Variants in TRPM4 observed in about 807,000 individuals in gnomAD.
TRPM4 encodes transient receptor potential cation channel subfamily M member 4, also known as calcium-activated non-selective cation channel 1.
TRPM4 carries 124 observed loss-of-function variants against 135.6 expected under a neutral mutation model. The observed-to-expected ratio is 0.91, with a 90% CI of 0.79 to 1.06. TRPM4 has a LOEUF of 1.06. Ranked by LOEUF, TRPM4 falls within the 50% of genes least tolerant of loss-of-function variation. The probability of loss-of-function intolerance (pLI) is 0.00; values close to 1 mark genes in which losing one functional copy is unlikely to be tolerated. For synonymous variants in TRPM4, 745 were observed against 705.6 expected (o/e 1.06, Z -0.88); for missense variants, 1,658 against 1,671.4 (o/e 0.99, Z 0.14).
At position 49,171,471 on chromosome 19, in the gene TRPM4, G is replaced by C. The variant is rs1967452632; in HGVS notation, c.858+53G>C. 4 of 1,612,284 alleles carry C rather than the reference G, an allele frequency of 2.5e-6. No individual in the cohort carries two copies. Among genetic ancestry groups the C allele is most frequent in the Non-Finnish European group, 3.4e-6 (4 of 1,178,628 alleles). ...AGGGGGAAGGAGGGTTGGGGGCCAGGACTCCTGGGTCCTGAGTCTTAGGGA... is the reference window on the plus strand; with the variant it reads ...AGGGGGAAGGAGGGTTGGGGGCCAGCACTCCTGGGTCCTGAGTCTTAGGGA... On this transcript the variant is annotated intron_variant, in intron 7 of 24. Coordinates refer to ENST00000252826, the MANE Select transcript of TRPM4 (RefSeq NM_017636.4). The surrounding 1 kb of genome is among the most constrained non-coding windows in gnomAD (Gnocchi z 4.7).
intron 17 of TRPM4, among the ~76,000 whole-genome samples, chr19:49,199,066 C>G (rs1453412065): frequency 6.6e-6 from 1 of 151,970 alleles, no homozygotes; most frequent in Non-Finnish European, 1.5e-5. Context: ...AGGCCATGCT[C>G]GACAATGCCT....
chr19:49,182,125 C>CATCCATCCATCCATCCATCT (rs879711809), intron 10 of TRPM4, among the ~76,000 whole-genome samples: 3 of 135,928 alleles, frequency 2.2e-5, no homozygotes, highest in East Asian at 2.2e-4. Context: ...TCCATCCATC[C>CATCCATCCATCCATCCATCT]ATCTGTCCAT....
At chr19:49,178,316 C>A (rs565471130) in intron 9 of TRPM4, among the ~76,000 whole-genome samples, 38 of 152,166 alleles carry the variant, frequency 2.5e-4, no homozygotes, top group African/African-American at 8.9e-4. Flanking sequence ...CAGACGAAGA[C>A]CCTGTCTCAA....
intron 2 of TRPM4, 118 bp downstream of exon 2, chr19:49,158,377 G>A (rs1336428852): frequency 1.9e-5 from 18 of 955,336 alleles, no homozygotes. Flanking sequence ...ACCTTCCCAA[G>A]GGCGTTCCTT....
chr19:49,211,569 C>G lies in TRPM4; in HGVS notation c.*71C>G. 1 of 1,602,068 alleles carries G rather than the reference C, an allele frequency of 6.2e-7. No homozygotes were observed. The highest frequency in any genetic ancestry group is 8.5e-7 in the Non-Finnish European group (1 of 1,170,336). Reference sequence around the variant, plus strand: ...CTCCTAGAGTAAGGCTCATCTGGGCCTCGGCCCCCGCACCTGGTGGCCTTG... The same window carrying G: ...CTCCTAGAGTAAGGCTCATCTGGGCGTCGGCCCCCGCACCTGGTGGCCTTG... On this transcript the variant is annotated 3_prime_UTR_variant, in exon 25 of 25. Transcript: ENST00000252826. The surrounding 1 kb of genome is among the most constrained non-coding windows in gnomAD (Gnocchi z 4.8).
At chr19:49,167,264 C>T (rs867598433) in intron 3 of TRPM4, among the ~76,000 whole-genome samples, 1 of 126,896 alleles carries the variant, frequency 7.9e-6, no homozygotes, top group East Asian at 2.4e-4. Context: ...GGTCTCTGTC[C>T]CTCTCTCTCT....
Position 49,182,905 on chromosome 19 carries a change from C to T in TRPM4, c.1591C>T (p.Gln531Ter). 1 of 1,596,062 alleles carries T rather than the reference C, an allele frequency of 6.3e-7. No individual in the cohort carries two copies. The highest frequency in any genetic ancestry group is 8.5e-7 in the Non-Finnish European group (1 of 1,171,370). ...SGGAWDPHPG[Q>*]GFGESMYLLS... is the part of the protein sequence containing the mutation. ...GGGCGCCTGGGACCCTCACCCAGGCCAGGGCTTCGGGGAGAGCGTAAGGAC... is the reference window on the plus strand; with the variant it reads ...GGGCGCCTGGGACCCTCACCCAGGCTAGGGCTTCGGGGAGAGCGTAAGGAC... The change falls in exon 11 of 25, where the codon CAG becomes TAG. Residue 531 changes from glutamine (Q) to a stop codon, truncating the protein, a stop_gained. Coordinates refer to ENST00000252826, the MANE Select transcript of TRPM4 (RefSeq NM_017636.4). LOFTEE classifies it high-confidence loss of function.
At chr19:49,202,881 CTTTTTTTT>C (rs752188238) in intron 20 of TRPM4, among the ~76,000 whole-genome samples, 7 of 109,616 alleles carry the variant, frequency 6.4e-5, no homozygotes, top group South Asian at 3.1e-4. Context: ...ATTTTTACTT[CTTTTTTTT>C]TTTTTTTTTT....
Position 49,188,994 on chromosome 19 carries a change from T to C in TRPM4, c.1922T>C (p.Leu641Pro). 1 of 1,614,124 alleles carries C rather than the reference T, an allele frequency of 6.2e-7. No homozygotes were observed. The highest frequency in any genetic ancestry group is 8.5e-7 in the Non-Finnish European group (1 of 1,180,018). Residue 641 changes from leucine to proline, a missense_variant, in exon 14 of 25, where the codon CTC becomes CCC. Physicochemically the swap from Leu to Pro is moderately conservative, Grantham distance 98. Coordinates refer to ENST00000252826, the MANE Select transcript of TRPM4 (RefSeq NM_017636.4). ...AGCAGTGAGGTGAGGGCTGCCCGCCTCCTCCTCCGTCGCTGCCCGCTCTGG... is the reference window on the plus strand; with the variant it reads ...AGCAGTGAGGTGAGGGCTGCCCGCCCCCTCCTCCGTCGCTGCCCGCTCTGG... Reference protein sequence around the residue: ...YRSSEVRAARLLLRRCPLWGD... With the variant: ...YRSSEVRAARPLLRRCPLWGD...
chr19:49,193,228 C>T (rs1044212656), intron 16 of TRPM4, among the ~76,000 whole-genome samples: 7 of 151,776 alleles, frequency 4.6e-5, no homozygotes, highest in African/African-American at 1.5e-4. Context: ...CTACAGGTGC[C>T]CGCCACCACG....
Position 49,181,412 on chromosome 19 carries a change from G to C in TRPM4, c.1214G>C (p.Arg405Pro), listed in dbSNP as rs752951205. 3 of 1,613,906 alleles carry C rather than the reference G, an allele frequency of 1.9e-6. No homozygotes were observed. Among genetic ancestry groups the C allele is most frequent in the Non-Finnish European group, 2.5e-6 (3 of 1,180,018 alleles). ...CTGCGTTTGGCTGTGGCTTGGAACC[G>C]CGTGGACATTGCCCAGAGTGAACTC... is the stretch of plus-strand genomic sequence containing the variant. ...DELRLAVAWN[R>P]VDIAQSELFR... Residue 405 changes from arginine (R) to proline (P), a missense_variant, in exon 10 of 25, where the codon CGC (arginine) becomes CCC (proline). Arg to Pro is a moderately radical substitution (Grantham distance 103). Transcript: ENST00000252826.
chr19:49,163,203 T>A (rs961435555), intron 2 of TRPM4, among the ~76,000 whole-genome samples: 8 of 147,060 alleles, frequency 5.4e-5, no homozygotes, highest in African/African-American at 1.5e-4. Context: ...TTATTATTTT[T>A]TTTTTTTTTT....
chr19:49,181,217 C>A, intron 9 of TRPM4, 132 bp from the exon 10 acceptor site: 1 of 717,380 alleles, frequency 1.4e-6, no homozygotes, highest in South Asian at 1.5e-5. Flanking sequence ...TTAAGACCCC[C>A]ACACTCTGCC....
At chr19:49,165,311 C>G (rs1379599541) in intron 2 of TRPM4, among the ~76,000 whole-genome samples, 1 of 152,168 alleles carries the variant, frequency 6.6e-6, no homozygotes, top group African/African-American at 2.4e-5. Flanking sequence ...CCGAGGCCTG[C>G]TTTTCTTGTT....
At chr19:49,189,137 T>C (rs1168043633) in intron 14 of TRPM4, 46 bp downstream of exon 14, 3 of 1,613,044 alleles carry the variant, frequency 1.9e-6, no homozygotes, top group Admixed American at 1.7e-5. Context: ...CCAAGTGGAC[T>C]CTGGGAAGTA....
chr19:49,211,380 T>C lies in TRPM4; in HGVS notation c.3640+111T>C. On this transcript the variant is annotated intron_variant, in intron 24 of 24. Coordinates refer to ENST00000252826, the MANE Select transcript of TRPM4 (RefSeq NM_017636.4). The surrounding 1 kb of genome is among the most constrained non-coding windows in gnomAD (Gnocchi z 4.8). ...CCCTGGGTCACTCTCTTGGTCTCCT[T>C]TGAGCCTTTTGTACTCTCGCCTTCG... 3.8e-6 allele frequency: 6 copies of C among 1,590,700 alleles called. No homozygotes were observed. Among genetic ancestry groups the C allele is most frequent in the South Asian group, 1.1e-5 (1 of 90,696 alleles).
rs141669822 is a variant in TRPM4, at chr19:49,186,043, G to A, written c.1744-2598G>A. On this transcript the variant is annotated intron_variant, in intron 12 of 24. Coordinates refer to ENST00000252826, the MANE Select transcript of TRPM4 (RefSeq NM_017636.4). Reference sequence around the variant, plus strand: ...TAGGATTACAGGCGTGAGCCACCGCGCCCACCCTGTTTAGTGACTTCTCTA... The same window carrying A: ...TAGGATTACAGGCGTGAGCCACCGCACCCACCCTGTTTAGTGACTTCTCTA... Among the ~76,000 whole-genome samples the A allele has an allele frequency of 2.9e-3, 446 of 152,248 alleles. 2 individuals are homozygous for A. Among genetic ancestry groups the A allele is most frequent in the African/African-American group, 0.01 (421 of 41,546 alleles).
At position 49,172,065 on chromosome 19, in the gene TRPM4, G is replaced by A. The variant is rs778910474; in HGVS notation, c.1107G>A (p.Gly369=). ...TGACAGTCTATTCTTCTGAGGATGGGTCTGAGGAATTCGAGACCATAGTTT... is the reference window on the plus strand; with the variant it reads ...TGACAGTCTATTCTTCTGAGGATGGATCTGAGGAATTCGAGACCATAGTTT... ...ELLTVYSSED[G]SEEFETIVLK... The change falls in exon 9 of 25, where the codon GGG becomes GGA. Residue 369 remains glycine (G), a synonymous_variant. Transcript: ENST00000252826. 6.2e-7 allele frequency: 1 copy of A among 1,614,056 alleles called. No homozygotes were observed. The highest frequency in any genetic ancestry group is 8.5e-7 in the Non-Finnish European group (1 of 1,179,966).
Position 49,181,386 on chromosome 19 carries a change from G to A in TRPM4, c.1188G>A (p.Glu396=). ...CGGAGGCCTCAGCCTACCTGGATGA[G>A]CTGCGTTTGGCTGTGGCTTGGAACC... The part of the protein sequence containing the change: ...GSSEASAYLD[E]LRLAVAWNRV... The change falls in exon 10 of 25, where the codon GAG becomes GAA. Residue 396 remains glutamate, a synonymous_variant. Coordinates refer to ENST00000252826, the MANE Select transcript of TRPM4 (RefSeq NM_017636.4). The A allele has an allele frequency of 6.2e-7, 1 of 1,613,974 alleles. No individual in the cohort carries two copies. Among genetic ancestry groups the A allele is most frequent in the Non-Finnish European group, 8.5e-7 (1 of 1,180,002 alleles).
Sources: gnomAD v4.1 joint callset for allele counts (sites outside exome capture counted in the v4.1 genomes callset) on GRCh38, gnomAD v4.1.1 for gene constraint, Gnocchi (gnomAD v3.1) non-coding constraint, MANE v1.5 for transcripts, NCBI Gene and HGNC (gene_info 2026-07-23, HGNC 2026-07-21) for gene names.